The following RFPL1 variants were observed in gnomAD, a reference collection of about 807,000 sequenced individuals.
RFPL1 encodes ret finger protein-like 1.
Under a neutral mutation model 9.6 loss-of-function variants are expected in RFPL1, and 6 were observed. That is an observed-to-expected ratio of 0.62 (90% CI 0.34 to 1.23). The LOEUF is 1.23. Ranked by LOEUF, RFPL1 falls within the 50% of genes most tolerant of loss-of-function variation. The pLI is 0.03. For missense variants in RFPL1, 352 were observed against 398.4 expected, an observed-to-expected ratio of 0.88 and a Z score of 0.99; for synonymous variants, 145 against 149.4, an observed-to-expected ratio of 0.97 and a Z score of 0.22.
chr22:29,397,033 G>A, the RFPL1 span, among the ~76,000 whole-genome samples: 4 of 143,966 alleles, frequency 2.8e-5, no homozygotes, highest in Admixed American at 1.4e-4. Flanking sequence ...CAGTCCTCCC[G>A]AATGGCTGGG....
Position 29,438,758 on chromosome 22 carries a change from G to A in RFPL1, c.-34G>A, listed in dbSNP as rs184011237. 8.9e-5 allele frequency: 142 copies of A among 1,599,722 alleles called. No homozygotes were observed. The highest frequency in any genetic ancestry group is 1.1e-4 in the Non-Finnish European group (131 of 1,172,242). ...TGTTTGTACTCATGGTCTTGTTCTAGAAGTGACAAAGCTGGGACACAATAC... is the reference window on the plus strand; with the variant it reads ...TGTTTGTACTCATGGTCTTGTTCTAAAAGTGACAAAGCTGGGACACAATAC... On this transcript the variant is annotated 5_prime_UTR_variant, in exon 1 of 2. An upstream open reading frame in the 5' UTR loses its in-frame stop. Transcript: ENST00000354373.
chr22:29,425,970 T>G, the RFPL1 span, among the ~76,000 whole-genome samples: 1 of 152,164 alleles, frequency 6.6e-6, no homozygotes. Flanking sequence ...GAGACACGAA[T>G]GGAATATATG....
chr22:29,433,582 GC>G (rs2062794639), upstream of RFPL1: 1 of 162,722 alleles, frequency 6.1e-6, no homozygotes, highest in Admixed American at 6.2e-5. Context: ...CCTGCGCTCG[GC>G]CCACCAACAG....
chr22:29,430,075 G>A, the RFPL1 span, among the ~76,000 whole-genome samples: 1 of 152,128 alleles, frequency 6.6e-6, no homozygotes, highest in Non-Finnish European at 1.5e-5. Context: ...ACTCGTCTAT[G>A]TAATTACATG....
In RFPL1 at chr22:29,439,071, T is replaced by A; in HGVS notation, c.280T>A (p.Trp94Arg). 6.2e-7 allele frequency: 1 copy of A among 1,613,960 alleles called. No homozygotes were observed. The highest frequency in any genetic ancestry group is 8.5e-7 in the Non-Finnish European group (1 of 1,179,982). The stretch of plus-strand genomic sequence containing the variant: ...TCAGAAGAACAAAATCAGGCCCAGT[T>A]GGCAGCTAGAGAGGCTGGCTTCCCA... Residue 94 changes from tryptophan (W) to arginine (R), a missense_variant, in exon 1 of 2, where the codon TGG becomes AGG. By Grantham distance (101) the Trp-to-Arg change is moderately radical. Coordinates refer to ENST00000354373, the Ensembl canonical transcript of RFPL1.
At chr22:29,411,707 C>T in the RFPL1 span, among the ~76,000 whole-genome samples, 2 of 152,112 alleles carry the variant, frequency 1.3e-5, no homozygotes, top group East Asian at 3.8e-4. Flanking sequence ...GCCTAGAAGT[C>T]GGAGCAGGAG....
the RFPL1 span, among the ~76,000 whole-genome samples, chr22:29,399,641 C>G: frequency 6.6e-6 from 1 of 152,196 alleles, no homozygotes; most frequent in Non-Finnish European, 1.5e-5. Flanking sequence ...TAAATCTTTT[C>G]AACTAAATGG....
the RFPL1 span, among the ~76,000 whole-genome samples, chr22:29,413,912 T>A: frequency 0.084 from 12,766 of 152,264 alleles, 643 homozygotes; most frequent in East Asian, 0.23. Flanking sequence ...TGTAACCTTT[T>A]AATGTAGGTA....
the RFPL1 span, among the ~76,000 whole-genome samples, chr22:29,424,696 T>C: frequency 6.8e-6 from 1 of 146,060 alleles, no homozygotes; most frequent in African/African-American, 2.5e-5. Flanking sequence ...CTGGACGCAG[T>C]GGTGCACACC....
At chr22:29,389,817 G>C in the RFPL1 span, among the ~76,000 whole-genome samples, 1 of 146,214 alleles carries the variant, frequency 6.8e-6, no homozygotes, top group African/African-American at 2.5e-5. Flanking sequence ...TGTTTGTTTT[G>C]AGACAGGGTC....
At chr22:29,433,999 ACT>A (rs1299434784), upstream of RFPL1, among the ~76,000 whole-genome samples, 1 of 143,762 alleles carries the variant, frequency 7.0e-6, no homozygotes, top group Non-Finnish European at 1.5e-5. Context: ...TCTGACACAC[ACT>A]CACACACACA....
At chr22:29,419,250 G>A in the RFPL1 span, 27 of 1,463,422 alleles carry the variant, frequency 1.8e-5, no homozygotes, top group East Asian at 1.1e-4. Context: ...CCTTCAGCTC[G>A]AAGATCTCCC....
At chr22:29,410,259 G>GAT in the RFPL1 span, among the ~76,000 whole-genome samples, 2 of 122,822 alleles carry the variant, frequency 1.6e-5, no homozygotes, top group African/African-American at 6.1e-5. Flanking sequence ...TATATTTGTA[G>GAT]ATATATATAT....
the RFPL1 span, among the ~76,000 whole-genome samples, chr22:29,401,681 G>C: frequency 6.6e-6 from 1 of 152,148 alleles, no homozygotes; most frequent in Non-Finnish European, 1.5e-5. Context: ...GATGAACATA[G>C]AGTATCTTAA....
chr22:29,417,367 GCT>G, the RFPL1 span, among the ~76,000 whole-genome samples: 1 of 151,894 alleles, frequency 6.6e-6, no homozygotes, highest in Non-Finnish European at 1.5e-5. Context: ...CTTCCAAAGG[GCT>G]CTCTGCAGAG....
chr22:29,414,166 A>T, the RFPL1 span, among the ~76,000 whole-genome samples: 1 of 151,010 alleles, frequency 6.6e-6, no homozygotes, highest in African/African-American at 2.5e-5. Context: ...TTCTTTAAAC[A>T]ACTAGTTAGT....
chr22:29,422,404 C>A, the RFPL1 span, among the ~76,000 whole-genome samples: 1 of 152,160 alleles, frequency 6.6e-6, no homozygotes, highest in Non-Finnish European at 1.5e-5. Flanking sequence ...TATGGAGAAA[C>A]GCCATCTCTA....
At chr22:29,426,716 C>A in the RFPL1 span, among the ~76,000 whole-genome samples, 1 of 152,118 alleles carries the variant, frequency 6.6e-6, no homozygotes. Flanking sequence ...CCATTGCACT[C>A]CGGCCAGGGT....
chr22:29,388,545 T>C, the RFPL1 span: 1 of 152,148 alleles, frequency 6.6e-6, no homozygotes, highest in Admixed American at 6.5e-5. Flanking sequence ...GCCCCGCGGC[T>C]GTCACCTGCC....
Sources: gnomAD v4.1 joint callset for allele counts (sites outside exome capture counted in the v4.1 genomes callset) on GRCh38, gnomAD v4.1.1 for gene constraint, MANE v1.5 for transcripts, NCBI Gene and HGNC (gene_info 2026-07-23, HGNC 2026-07-21) for gene names.